The following COL9A2 variants were observed in gnomAD, a reference collection of about 807,000 sequenced individuals.
COL9A2 encodes the protein collagen type IX alpha 2 chain.
A neutral mutation model predicts 111.6 loss-of-function variants in COL9A2; 66 were observed. The observed-to-expected ratio is 0.59, with a 90% CI of 0.48 to 0.73. The LOEUF is 0.73. Among genes scored for constraint, COL9A2 ranks in the 30% least tolerant of loss-of-function variants. The pLI is 0.00. For missense variants in COL9A2, 881 were observed against 954.1 expected (o/e 0.92, Z 1.01); for synonymous variants, 353 against 364.1 (o/e 0.97, Z 0.35).
At chr1:40,306,288 G>C in intron 19 of COL9A2, 101 bp from the exon 20 acceptor site, 1 of 1,355,446 alleles carries the variant, frequency 7.4e-7, no homozygotes, top group African/African-American at 1.4e-5. Context: ...CCCCACCTGT[G>C]GGAGCTGAAC....
rs1279490613 is a variant in COL9A2, at chr1:40,311,280, T to C, written c.526A>G (p.Thr176Ala). The C allele has an allele frequency of 1.9e-6, 3 of 1,613,934 alleles. No homozygotes were observed. The highest frequency in any genetic ancestry group is 1.7e-5 in the Admixed American group (1 of 59,994). The change falls in exon 11 of 32, where the codon ACC becomes GCC. Residue 176 changes from threonine (T) to alanine (A), a missense_variant. Thr to Ala is a moderately conservative substitution (Grantham distance 58, BLOSUM62 0). Transcript: ENST00000372748. This position sits in a 1 kb window ranked among gnomAD's most constrained non-coding sequence, Gnocchi z 5.1. ...CCTTTCATTCCGGGTGGACAGTTGG[T>C]TGGACACTGGAAACAGAAAATCCCA... ...LEGSADFLCP[T>A]NCPPGMKGPP...
rs914029053 is a variant in COL9A2, at chr1:40,305,707, G to A, written c.1107+8C>T. On this transcript the variant is annotated splice_region_variant and intron_variant, in intron 21 of 31. Coordinates refer to ENST00000372748, the MANE Select transcript of COL9A2 (RefSeq NM_001852.4). ...AGGAACCCTTGTGTCAGTGCAGGGG[G>A]CATTTACCTCTTTCCCAGGGGGACC... 2.5e-6 allele frequency: 4 copies of A among 1,613,656 alleles called. No individual in the cohort carries two copies. Among genetic ancestry groups the A allele is most frequent in the Non-Finnish European group, 3.4e-6 (4 of 1,179,606 alleles).
In COL9A2 at chr1:40,304,371, G is replaced by A; in HGVS notation, c.1236C>T (p.Gly412=). Residue 412 remains glycine, a synonymous_variant, in exon 24 of 32, where the codon GGC becomes GGT. Coordinates refer to ENST00000372748, the MANE Select transcript of COL9A2 (RefSeq NM_001852.4). ...CTTGGGGCCCTGGAATTCCGGGGGGGCCCTGCTCCCCCTTAGGGCCCTGAG... is the reference window on the plus strand; with the variant it reads ...CTTGGGGCCCTGGAATTCCGGGGGGACCCTGCTCCCCCTTAGGGCCCTGAG... The part of the protein sequence containing the change: ...QGRQGPKGEQ[G]PPGIPGPQGL... The A allele has an allele frequency of 5.0e-6, 8 of 1,588,792 alleles. No homozygotes were observed. The highest frequency in any genetic ancestry group is 6.9e-6 in the Non-Finnish European group (8 of 1,166,928).
In COL9A2 at chr1:40,304,373, C is replaced by T. The variant is rs1386707668; in HGVS notation, c.1234G>A (p.Gly412Ser). 5 of 1,589,886 alleles carry T rather than the reference C, an allele frequency of 3.1e-6. No homozygotes were observed. Among genetic ancestry groups the T allele is most frequent in the Non-Finnish European group, 4.3e-6 (5 of 1,167,574 alleles). The stretch of plus-strand genomic sequence containing the variant: ...TGGGGCCCTGGAATTCCGGGGGGGC[C>T]CTGCTCCCCCTTAGGGCCCTGAGGA... ...QGRQGPKGEQ[G>S]PPGIPGPQGL... Residue 412 changes from glycine to serine, a missense_variant, in exon 24 of 32, where the codon GGC becomes AGC. Physicochemically the swap from Gly to Ser is moderately conservative, Grantham distance 56. Coordinates refer to ENST00000372748, the MANE Select transcript of COL9A2 (RefSeq NM_001852.4).
chr1:40,306,289 G>C lies in COL9A2; in HGVS notation c.1009-102C>G, dbSNP rs1644028712. ...CCAATCCAGATTTCCCCCACCTGTGGGAGCTGAACAACAGAAGGTCCAGCC... is the reference window on the plus strand; with the variant it reads ...CCAATCCAGATTTCCCCCACCTGTGCGAGCTGAACAACAGAAGGTCCAGCC... On this transcript the variant is annotated intron_variant, in intron 19 of 31. Transcript: ENST00000372748. 6.0e-6 allele frequency: 8 copies of C among 1,339,316 alleles called. 1 individual carries two copies. The South Asian group carries it at 8.3e-5, about 14-fold the overall frequency. The allele number at this position is 1,339,316 out of a possible 1,614,324, so 83.0% of individuals were successfully genotyped here.
Position 40,302,000 on chromosome 1 carries a change from TAGA to T in COL9A2, c.1793-114_1793-112del, listed in dbSNP as rs572258426. On this transcript the variant is annotated intron_variant, in intron 30 of 31. Transcript: ENST00000372748. Reference sequence around the variant, plus strand: ...ATTCCTGTTTTGTGCTAGTTTGTAATAGAGGAAAGTTGGAAATGGTCACGCAGG... The same window carrying T: ...ATTCCTGTTTTGTGCTAGTTTGTAATGGAAAGTTGGAAATGGTCACGCAGG... 8,844 of 1,132,378 alleles carry T rather than the reference TAGA, an allele frequency of 7.8e-3. 46 individuals are homozygous for T. The highest frequency in any genetic ancestry group is 0.016 in the Middle Eastern group (79 of 4,964). The allele number at this position is 1,132,378 out of a possible 1,614,324, so 70.1% of individuals were successfully genotyped here. A position where few individuals can be genotyped will look rare whatever the true frequency, so the allele number is the denominator to read the frequency against.
intron 4 of COL9A2, among the ~76,000 whole-genome samples, chr1:40,313,443 A>G (rs144720068): frequency 3.3e-5 from 5 of 152,324 alleles, no homozygotes; most frequent in African/African-American, 1.2e-4. Flanking sequence ...TGCTGGGATT[A>G]CAGGCATAAG....
At chr1:40,304,748 C>A in intron 22 of COL9A2, 46 bp downstream of exon 22, 1 of 1,522,560 alleles carries the variant, frequency 6.6e-7, no homozygotes, top group Non-Finnish European at 8.9e-7. Flanking sequence ...GCAGTGCCAG[C>A]TGCCGCAGAG....
In COL9A2 at chr1:40,306,322, G is replaced by C. The variant is rs2281399; in HGVS notation, c.1009-135C>G. The C allele has an allele frequency of 0.075, 69,239 of 918,010 alleles. 4,218 individuals are homozygous for C. The highest frequency in any genetic ancestry group is 0.23 in the African/African-American group (13,777 of 61,226). The allele number at this position is 918,010 out of a possible 1,614,324, so 56.9% of individuals were successfully genotyped here. ...ACAACAGAAGGTCCAGCCACGGCATGATGAACTTAACTGTACATTCCCACA... is the reference window on the plus strand; with the variant it reads ...ACAACAGAAGGTCCAGCCACGGCATCATGAACTTAACTGTACATTCCCACA... On this transcript the variant is annotated intron_variant, in intron 19 of 31. Coordinates refer to ENST00000372748, the MANE Select transcript of COL9A2 (RefSeq NM_001852.4).
chr1:40,308,340 TC>T, intron 16 of COL9A2, 95 bp from the exon 17 acceptor site: 1 of 1,296,340 alleles, frequency 7.7e-7, no homozygotes, highest in Non-Finnish European at 1.1e-6. Flanking sequence ...GGCCTCTAGG[TC>T]CCAGAGTTCC....
Position 40,311,374 on chromosome 1 carries a change from C to T in COL9A2, c.520-88G>A. On this transcript the variant is annotated intron_variant, in intron 10 of 31. Transcript: ENST00000372748. The surrounding 1 kb of genome is among the most constrained non-coding windows in gnomAD (Gnocchi z 5.1). Reference sequence around the variant, plus strand: ...AGCCCCGTGCTCTCCTCCGCCTCACCTGGTGGAACCCCTGCACTGCAGCCC... The same window carrying T: ...AGCCCCGTGCTCTCCTCCGCCTCACTTGGTGGAACCCCTGCACTGCAGCCC... 6.4e-7 allele frequency: 1 copy of T among 1,568,734 alleles called. No homozygotes were observed. The highest frequency in any genetic ancestry group is 8.7e-7 in the Non-Finnish European group (1 of 1,149,046).
At chr1:40,301,503 T>A in intron 31 of COL9A2, 122 bp from the exon 32 acceptor site, 1 of 821,428 alleles carries the variant, frequency 1.2e-6, no homozygotes, top group African/African-American at 1.7e-5. Flanking sequence ...GAAAGGACTC[T>A]GCCCCAGAGG....
intron 17 of COL9A2, among the ~76,000 whole-genome samples, 163 bp downstream of exon 17, chr1:40,308,029 T>C (rs566582276): frequency 3.8e-4 from 58 of 152,072 alleles, no homozygotes; most frequent in African/African-American, 1.3e-3. Context: ...TGTTTACAGG[T>C]GAAGAAACTG....
At chr1:40,309,352 A>G (rs1383889617) in intron 16 of COL9A2, among the ~76,000 whole-genome samples, 1 of 152,122 alleles carries the variant, frequency 6.6e-6, no homozygotes, top group East Asian at 1.9e-4. Flanking sequence ...AAAAAACTAA[A>G]TAATAATAAC....
rs1644132976 is a variant in COL9A2 at position 40,311,814 on chromosome 1, C to T, written c.418-99G>A. The stretch of plus-strand genomic sequence containing the variant: ...CCTGCCTCTGCCCTCTCCACCCTGT[C>T]TTCCCGGTCACTTTGTGAGATCCAC... On this transcript the variant is annotated intron_variant, in intron 8 of 31. Transcript: ENST00000372748. This position sits in a 1 kb window ranked among gnomAD's most constrained non-coding sequence, Gnocchi z 5.1. 3 of 1,282,828 alleles carry T rather than the reference C, an allele frequency of 2.3e-6. No homozygotes were observed. Among genetic ancestry groups the T allele is most frequent in the Non-Finnish European group, 2.3e-6 (2 of 882,618 alleles). 79.5% of individuals were successfully genotyped at this position (1,282,828 alleles called of 1,614,324 possible). A position where few individuals can be genotyped will look rare whatever the true frequency, so the allele number is the denominator to read the frequency against.
At chr1:40,315,144 C>G (rs1218221839) in intron 2 of COL9A2, 1 of 872,266 alleles carries the variant, frequency 1.1e-6, no homozygotes, top group Admixed American at 5.4e-5. Flanking sequence ...GGAACAAGCC[C>G]AGCTGATTCT....
rs1644178927 is a variant in COL9A2, at chr1:40,314,210, T to A, written c.244A>T (p.Ile82Phe). Residue 82 changes from isoleucine (I) to phenylalanine (F), a missense_variant, in exon 4 of 32, where the codon ATT (isoleucine) becomes TTT (phenylalanine). Ile to Phe is a conservative substitution (Grantham distance 21). Coordinates refer to ENST00000372748, the MANE Select transcript of COL9A2 (RefSeq NM_001852.4). The surrounding 1 kb of genome is among the most constrained non-coding windows in gnomAD (Gnocchi z 4.1). ...GPDGPDGKPG[I>F]DGLTGAKGEP... ...CCCGACACTCAGCTACTCACATCAA[T>A]CCCGGGCTTCCCGTCTGGCCCATCT... 4 of 1,614,068 alleles carry A rather than the reference T, an allele frequency of 2.5e-6. No homozygotes were observed. The East Asian group carries it at 8.9e-5, about 36-fold the overall frequency.
rs1039888143 is a variant in COL9A2, at chr1:40,315,353, G to A, written c.150+237C>T. The A allele has an allele frequency of 2.1e-5, 29 of 1,354,478 alleles. No homozygotes were observed. The African/African-American group carries it at 3.3e-4, about 15-fold the overall frequency. The allele number at this position is 1,354,478 out of a possible 1,614,324, so 83.9% of individuals were successfully genotyped here. A position where few individuals can be genotyped will look rare whatever the true frequency, so the allele number is the denominator to read the frequency against. ...GGCCTCGCTGTGAGCTGCGGCCGGC[G>A]GACTGAACAGCAGCTCCTTGTCTGT... On this transcript the variant is annotated intron_variant, in intron 2 of 31. Transcript: ENST00000372748.
Position 40,307,876 on chromosome 1 carries a change from C to A in COL9A2, c.901-120G>T. 1 of 1,110,172 alleles carries A rather than the reference C, an allele frequency of 9.0e-7. No individual in the cohort carries two copies. Among genetic ancestry groups the A allele is most frequent in the East Asian group, 2.5e-5 (1 of 39,426 alleles). 68.8% of individuals were successfully genotyped at this position (1,110,172 alleles called of 1,614,324 possible). A position where few individuals can be genotyped will look rare whatever the true frequency, so the allele number is the denominator to read the frequency against. ...AGGGAGGGAGTGGCTCTGGTCATCC[C>A]AGGAAGCCCCACTGGCCAACTGGGG... On this transcript the variant is annotated intron_variant, in intron 17 of 31. Transcript: ENST00000372748. The surrounding 1 kb of genome is among the most constrained non-coding windows in gnomAD (Gnocchi z 4.8).
Sources: gnomAD v4.1 joint callset for allele counts (sites outside exome capture counted in the v4.1 genomes callset) on GRCh38, gnomAD v4.1.1 for gene constraint, Gnocchi (gnomAD v3.1) non-coding constraint, MANE v1.5 for transcripts, NCBI Gene and HGNC (gene_info 2026-07-23, HGNC 2026-07-21) for gene names.